CHST9: variants seen among roughly 807,000 people sequenced by gnomAD.
The protein encoded by CHST9 is carbohydrate sulfotransferase 9, also known as GalNAc-4-sulfotransferase 2.
A neutral mutation model predicts 44.4 loss-of-function variants in CHST9; 41 were observed. The observed-to-expected ratio is 0.92, with a 90% CI of 0.72 to 1.20. The LOEUF (loss-of-function observed/expected upper bound fraction) is 1.20. Ranked by LOEUF, CHST9 falls within the 50% of genes most tolerant of loss-of-function variation. The pLI is 0.00. For synonymous variants in CHST9, 171 were observed against 178.4 expected, an observed-to-expected ratio of 0.96 and a Z score of 0.33; for missense variants, 504 against 516.5, an observed-to-expected ratio of 0.98 and a Z score of 0.23.
At chr18:27,178,861 A>G (rs540932107) in intron 1 of CHST9, among the ~76,000 whole-genome samples, 2 of 152,184 alleles carry the variant, frequency 1.3e-5, no homozygotes, top group African/African-American at 4.8e-5. Flanking sequence ...TACTATAAGC[A>G]TACTTCATAG....
chr18:26,965,720 T>C (rs929871357), intron 4 of CHST9, among the ~76,000 whole-genome samples: 1 of 152,196 alleles, frequency 6.6e-6, no homozygotes, highest in South Asian at 2.1e-4. Flanking sequence ...TCCTCTTCAC[T>C]CCTGCAGCAA....
At chr18:26,936,528 G>A (rs116708641) in intron 5 of CHST9, 1 of 152,134 alleles carries the variant, frequency 6.6e-6, no homozygotes, top group Non-Finnish European at 1.5e-5. Flanking sequence ...TCTATACGGA[G>A]GTGATGAGTT....
Position 27,138,050 on chromosome 18 carries a change from A to G in CHST9, c.121+4639T>C, listed in dbSNP as rs145655035. 6.3e-3 allele frequency among the ~76,000 whole-genome samples: 964 copies of G among 152,136 alleles called. 8 individuals are homozygous for G. Among genetic ancestry groups the G allele is most frequent in the Non-Finnish European group, 1.0e-2 (677 of 67,990 alleles). On this transcript the variant is annotated intron_variant, in intron 2 of 5. Coordinates refer to ENST00000618847, the MANE Select transcript of CHST9 (RefSeq NM_031422.6). ...TTCTAGCACTTCTATCTGGTCAGCAATTCTATCCCTGACAACTGACTGTGC... is the reference window on the plus strand; with the variant it reads ...TTCTAGCACTTCTATCTGGTCAGCAGTTCTATCCCTGACAACTGACTGTGC...
chr18:26,946,998 T>C (rs163047), intron 4 of CHST9, among the ~76,000 whole-genome samples: 101,412 of 152,022 alleles, frequency 0.67, 34,668 homozygotes, highest in African/African-American at 0.81. Flanking sequence ...CTTGGCTATA[T>C]GTGCTCTTTT....
chr18:26,945,730 T>C (rs1222558751), intron 4 of CHST9, among the ~76,000 whole-genome samples: 1 of 152,216 alleles, frequency 6.6e-6, no homozygotes, highest in East Asian at 1.9e-4. Context: ...ATAAACATTT[T>C]TGTACAGGTT....
intron 4 of CHST9, among the ~76,000 whole-genome samples, chr18:26,958,857 T>C (rs1366510136): frequency 1.3e-5 from 2 of 152,238 alleles, no homozygotes; most frequent in Non-Finnish European, 2.9e-5. Context: ...GGAATGCTTA[T>C]ACACTGTTGG....
chr18:26,975,690 T>G (rs181949626), intron 4 of CHST9, among the ~76,000 whole-genome samples: 2,480 of 137,354 alleles, frequency 0.018, 97 homozygotes, highest in African/African-American at 0.064. Flanking sequence ...TATATGTGTG[T>G]GTATATATAT....
At chr18:27,008,758 T>C (rs1393193864) in intron 4 of CHST9, among the ~76,000 whole-genome samples, 1 of 152,180 alleles carries the variant, frequency 6.6e-6, no homozygotes, top group South Asian at 2.1e-4. Flanking sequence ...CTTATTCCTT[T>C]AGCACCTGCC....
intron 2 of CHST9, among the ~76,000 whole-genome samples, chr18:27,127,892 G>A (rs2058438679): frequency 6.6e-6 from 1 of 152,152 alleles, no homozygotes; most frequent in African/African-American, 2.4e-5. Flanking sequence ...AGCTCTGGGA[G>A]TTTTCTTTGA....
chr18:27,116,149 T>C (rs916914170), intron 2 of CHST9, among the ~76,000 whole-genome samples: 3 of 152,194 alleles, frequency 2.0e-5, no homozygotes, highest in African/African-American at 7.2e-5. Context: ...TGAAATCTAA[T>C]TTACCTTATT....
At chr18:27,055,401 G>T (rs2057643241) in intron 2 of CHST9, among the ~76,000 whole-genome samples, 1 of 152,118 alleles carries the variant, frequency 6.6e-6, no homozygotes, top group Non-Finnish European at 1.5e-5. Flanking sequence ...AGAAAAAGTG[G>T]AAGGTGGTAG....
chr18:27,136,604 C>A (rs1386734977), intron 2 of CHST9, among the ~76,000 whole-genome samples: 1 of 152,130 alleles, frequency 6.6e-6, no homozygotes, highest in Non-Finnish European at 1.5e-5. Flanking sequence ...ACTAATGGTA[C>A]CTATCTCAGA....
At chr18:27,016,066 CAGCCATGGGCT>C (rs1311340169) in intron 4 of CHST9, among the ~76,000 whole-genome samples, 4 of 152,214 alleles carry the variant, frequency 2.6e-5, no homozygotes, top group Non-Finnish European at 4.4e-5. Flanking sequence ...CTGCTCATCC[CAGCCATGGGCT>C]ATCAGTCACC....
intron 2 of CHST9, among the ~76,000 whole-genome samples, chr18:27,097,277 C>T (rs1224050743): frequency 1.3e-5 from 2 of 152,008 alleles, no homozygotes; most frequent in East Asian, 3.9e-4. Context: ...ATGACAAACA[C>T]AGCCAGCATC....
intron 2 of CHST9, among the ~76,000 whole-genome samples, chr18:27,112,005 C>T (rs1222741308): frequency 6.6e-6 from 1 of 151,916 alleles, no homozygotes; most frequent in African/African-American, 2.4e-5. Flanking sequence ...GGTCTTCTCA[C>T]TCCATAACTG....
intron 2 of CHST9, among the ~76,000 whole-genome samples, chr18:27,106,837 T>C (rs2058225653): frequency 6.6e-6 from 1 of 152,186 alleles, no homozygotes; most frequent in Admixed American, 6.5e-5. Flanking sequence ...ACTACCCTAT[T>C]TCCATAAAAT....
chr18:27,140,499 T>C lies in CHST9; in HGVS notation c.121+2190A>G, dbSNP rs538444492. Among the ~76,000 whole-genome samples, 4 of 152,362 alleles carry C rather than the reference T, an allele frequency of 2.6e-5. No individual in the cohort carries two copies. The East Asian group carries it at 7.7e-4, about 29-fold the overall frequency. On this transcript the variant is annotated intron_variant, in intron 2 of 5. Coordinates refer to ENST00000618847, the MANE Select transcript of CHST9 (RefSeq NM_031422.6). The stretch of plus-strand genomic sequence containing the variant: ...GACTAAACACATTTCTGCAAAAAAG[T>C]AGTCTATACATATGAATATATTTTC...
intron 2 of CHST9, among the ~76,000 whole-genome samples, chr18:27,139,205 CAAATA>C (rs1439347239): frequency 6.6e-6 from 1 of 151,958 alleles, no homozygotes; most frequent in Non-Finnish European, 1.5e-5. Flanking sequence ...TGAAAAGCCT[CAAATA>C]AAAGACACGA....
intron 4 of CHST9, among the ~76,000 whole-genome samples, chr18:26,975,664 T>TATATATATATA (rs1348331935): frequency 6.9e-6 from 1 of 144,208 alleles, no homozygotes; most frequent in East Asian, 2.0e-4. Flanking sequence ...TATATATATA[T>TATATATATATA]ATATAAATAT....
Sources: allele counts gnomAD v4.1 joint callset (sites outside exome capture counted in the v4.1 genomes callset), GRCh38; gene constraint gnomAD v4.1.1; transcripts MANE v1.5; gene names NCBI Gene and HGNC (gene_info 2026-07-23, HGNC 2026-07-21).